SLAMF1: variants seen among roughly 807,000 people sequenced by gnomAD.
The protein encoded by SLAMF1 is signaling lymphocytic activation molecule family member 1, also known as signaling lymphocytic activation molecule.
Under a neutral mutation model 35.1 loss-of-function variants are expected in SLAMF1, and 18 were observed. That is an observed-to-expected ratio of 0.51 (90% CI 0.35 to 0.76). The LOEUF is 0.76. Ranked by LOEUF, SLAMF1 falls within the 30% of genes least tolerant of loss-of-function variation. The probability of loss-of-function intolerance (pLI) is 0.01; values close to 1 mark genes in which losing one functional copy is unlikely to be tolerated. For missense variants in SLAMF1, 392 were observed against 413.0 expected (o/e 0.95, Z 0.44); for synonymous variants, 168 against 157.2 (o/e 1.07, Z -0.51).
rs769750718 is a variant in SLAMF1 at position 160,634,832 on chromosome 1, T to C, written c.481A>G (p.Ile161Val). ...CCCTTCTCCACTGTGCAGCCCAGTA[T>C]CAAGGTGCAGGTCCCGTTCTCCTGG... ...KTQENGTCTL[I>V]LGCTVEKGDH... Residue 161 changes from isoleucine to valine, a missense_variant, in exon 3 of 7, where the codon ATA becomes GTA. Transcript: ENST00000302035. 1.9e-6 allele frequency: 3 copies of C among 1,614,176 alleles called. No individual in the cohort carries two copies. Among genetic ancestry groups the C allele is most frequent in the Non-Finnish European group, 2.5e-6 (3 of 1,180,020 alleles).
At chr1:160,643,239 C>A (rs534828670) in intron 1 of SLAMF1, among the ~76,000 whole-genome samples, 2 of 152,248 alleles carry the variant, frequency 1.3e-5, no homozygotes, top group East Asian at 3.9e-4. Context: ...TAAATCTCTC[C>A]AGGAGCCAGA....
intron 5 of SLAMF1, among the ~76,000 whole-genome samples, chr1:160,614,802 T>G (rs939126700): frequency 2.0e-5 from 3 of 152,340 alleles, no homozygotes; most frequent in Admixed American, 6.5e-5. Context: ...TTCAGGATTT[T>G]TATCCAGGCA....
Position 160,619,814 on chromosome 1 carries a change from T to C in SLAMF1, c.826A>G (p.Lys276Glu), listed in dbSNP as rs1659508471. ...ACTTGGGCATAGATCGTAAGGCTTT[T>C]TTTTTCCACTGTTGTCTGGTAATGG... ...TNHYQTTVEK[K>E]SLTIYAQVQK... Residue 276 changes from lysine (K) to glutamate (E), a missense_variant, in exon 5 of 7, where the codon AAA becomes GAA. Physicochemically the swap from Lys to Glu is moderately conservative, Grantham distance 56. Transcript: ENST00000302035. 1 of 1,613,112 alleles carries C rather than the reference T, an allele frequency of 6.2e-7. No individual in the cohort carries two copies. The highest frequency in any genetic ancestry group is 8.5e-7 in the Non-Finnish European group (1 of 1,179,182).
intron 1 of SLAMF1, among the ~76,000 whole-genome samples, chr1:160,638,470 AG>A (rs1408281679): frequency 6.6e-6 from 1 of 151,936 alleles, no homozygotes; most frequent in African/African-American, 2.4e-5. Flanking sequence ...TCACATTATC[AG>A]GTTTTTTTTT....
chr1:160,630,159 G>A (rs558053743), intron 3 of SLAMF1, among the ~76,000 whole-genome samples: 200 of 152,246 alleles, frequency 1.3e-3, no homozygotes, highest in African/African-American at 4.5e-3. Flanking sequence ...CAGTCATCGA[G>A]GATGGCAGCA....
rs1311119718 is a variant in SLAMF1 at position 160,608,459 on chromosome 1, A to G, written c.*2289T>C. 2.0e-5 allele frequency: 3 copies of G among 152,246 alleles called. No homozygotes were observed. Among genetic ancestry groups the G allele is most frequent in the Admixed American group, 2.0e-4 (3 of 15,268 alleles). The allele number at this position is 152,246 out of a possible 1,614,324, so 9.4% of individuals were successfully genotyped here. On this transcript the variant is annotated 3_prime_UTR_variant, in exon 7 of 7. Transcript: ENST00000302035. Reference sequence around the variant, plus strand: ...CGCTCCCCATAGTGCCATTTGGGGGAAACTAGAGAGTTGTGAATGTATCAC... The same window carrying G: ...CGCTCCCCATAGTGCCATTTGGGGGGAACTAGAGAGTTGTGAATGTATCAC...
chr1:160,626,456 C>A (rs1659884845), intron 3 of SLAMF1, among the ~76,000 whole-genome samples: 1 of 152,230 alleles, frequency 6.6e-6, no homozygotes, highest in Non-Finnish European at 1.5e-5. Context: ...ATCTGAGAGA[C>A]AAGTTGGCCA....
At chr1:160,637,639 T>C in intron 1 of SLAMF1, 110 bp from the exon 2 acceptor site, 1 of 766,460 alleles carries the variant, frequency 1.3e-6, no homozygotes, top group Non-Finnish European at 2.1e-6. Flanking sequence ...TCTTTGGCTA[T>C]CCCTGGGGTT....
chr1:160,646,541 A>T (rs1437595419), intron 1 of SLAMF1, among the ~76,000 whole-genome samples: 4 of 152,176 alleles, frequency 2.6e-5, no homozygotes. Context: ...TTGCCAGAAG[A>T]TGCCCATGTA....
chr1:160,616,797 A>C (rs2089088), intron 5 of SLAMF1, among the ~76,000 whole-genome samples: 58,228 of 152,134 alleles, frequency 0.38, 13,112 homozygotes, highest in East Asian at 0.66. Flanking sequence ...GAATAAAAGC[A>C]TAATAAGACA....
chr1:160,642,697 C>T lies in SLAMF1; in HGVS notation c.76+4173G>A, dbSNP rs920144562. Among the ~76,000 whole-genome samples the T allele has an allele frequency of 6.6e-6, 1 of 152,174 alleles. No individual in the cohort carries two copies. The highest frequency in any genetic ancestry group is 2.4e-5 in the African/African-American group (1 of 41,454). ...CAAAAGCAGAATGTACTCTGATTTGCCTTTATAGTATCCCTAAGAGGTATA... is the reference window on the plus strand; with the variant it reads ...CAAAAGCAGAATGTACTCTGATTTGTCTTTATAGTATCCCTAAGAGGTATA... On this transcript the variant is annotated intron_variant, in intron 1 of 6. Transcript: ENST00000302035. This position sits in a 1 kb window ranked among gnomAD's most constrained non-coding sequence, Gnocchi z 4.2.
chr1:160,625,993 A>G (rs1185708621), intron 3 of SLAMF1, among the ~76,000 whole-genome samples: 1 of 152,224 alleles, frequency 6.6e-6, no homozygotes, highest in Non-Finnish European at 1.5e-5. Flanking sequence ...TCGTCAGCCT[A>G]TGGAACTGAT....
chr1:160,620,280 T>C (rs1023682418), intron 4 of SLAMF1, among the ~76,000 whole-genome samples: 1 of 152,198 alleles, frequency 6.6e-6, no homozygotes, highest in Admixed American at 6.5e-5. Context: ...TATACCTCTT[T>C]TGTATTTTCC....
chr1:160,620,777 G>A (rs1659566342), intron 4 of SLAMF1, among the ~76,000 whole-genome samples: 1 of 152,156 alleles, frequency 6.6e-6, no homozygotes, highest in African/African-American at 2.4e-5. Context: ...TGAGATGATG[G>A]AAATGTTCCA....
chr1:160,629,603 C>A (rs1254470736), intron 3 of SLAMF1, among the ~76,000 whole-genome samples: 3 of 152,124 alleles, frequency 2.0e-5, no homozygotes, highest in Non-Finnish European at 4.4e-5. Context: ...TGGGACCATC[C>A]AAGTAAACAT....
chr1:160,624,267 G>T, intron 3 of SLAMF1, 82 bp from the exon 4 acceptor site: 1 of 972,480 alleles, frequency 1.0e-6, no homozygotes. Context: ...GGATAATGGA[G>T]CCTCATGTTC....
At chr1:160,646,671 T>G (rs1187933751) in intron 1 of SLAMF1, among the ~76,000 whole-genome samples, 199 bp downstream of exon 1, 2 of 152,216 alleles carry the variant, frequency 1.3e-5, no homozygotes, top group African/African-American at 4.8e-5. Flanking sequence ...TTGGTGGGGC[T>G]GAGTCTTGGA....
chr1:160,629,202 T>C (rs1265944482), intron 3 of SLAMF1, among the ~76,000 whole-genome samples: 4 of 152,158 alleles, frequency 2.6e-5, no homozygotes, highest in Non-Finnish European at 4.4e-5. Context: ...GTCTGTGGTT[T>C]AAACGTGATA....
In SLAMF1 at chr1:160,619,826, T is replaced by C. The variant is rs776744716; in HGVS notation, c.814A>G (p.Thr272Ala). Reference sequence around the variant, plus strand: ...ATCGTAAGGCTTTTTTTTTCCACTGTTGTCTGGTAATGGTTCGTTTTACCT... The same window carrying C: ...ATCGTAAGGCTTTTTTTTTCCACTGCTGTCTGGTAATGGTTCGTTTTACCT... ...RRGKTNHYQTTVEKKSLTIYA... is the reference protein window; with the variant it reads ...RRGKTNHYQTAVEKKSLTIYA... The change falls in exon 5 of 7, where the codon ACA (threonine) becomes GCA (alanine). Residue 272 changes from threonine (T) to alanine (A), a missense_variant. Coordinates refer to ENST00000302035, the MANE Select transcript of SLAMF1 (RefSeq NM_003037.5). 1 of 1,612,608 alleles carries C rather than the reference T, an allele frequency of 6.2e-7. No individual in the cohort carries two copies. Among genetic ancestry groups the C allele is most frequent in the Admixed American group, 1.7e-5 (1 of 60,032 alleles).
Sources: gnomAD v4.1 joint callset for allele counts (sites outside exome capture counted in the v4.1 genomes callset) on GRCh38, gnomAD v4.1.1 for gene constraint, Gnocchi (gnomAD v3.1) non-coding constraint, MANE v1.5 for transcripts, NCBI Gene and HGNC (gene_info 2026-07-23, HGNC 2026-07-21) for gene names.